The following ARHGAP24 variants were observed in gnomAD, a reference collection of about 807,000 sequenced individuals.
ARHGAP24 encodes the protein rho GTPase-activating protein 24.
ARHGAP24 carries 50 observed loss-of-function variants against 76.4 expected under a neutral mutation model. The ratio of observed to expected loss-of-function variants is 0.65; its 90% CI spans 0.52 to 0.83. The LOEUF (loss-of-function observed/expected upper bound fraction) is 0.83, where lower values mean the gene tolerates loss of function less well. ARHGAP24 is among the 40% of genes least tolerant of loss of function. ARHGAP24 has a pLI of 0.00. For synonymous variants in ARHGAP24, 345 were observed against 323.3 expected (o/e 1.07, Z -0.72); for missense variants, 930 against 914.2 (o/e 1.02, Z -0.22).
chr4:85,869,085 A>G (rs952127702), intron 3 of ARHGAP24, among the ~76,000 whole-genome samples: 5 of 152,118 alleles, frequency 3.3e-5, no homozygotes, highest in Non-Finnish European at 7.4e-5. Context: ...TACCAATGCA[A>G]TTGGCCCCTC....
chr4:85,487,433 TA>T (rs1352629974), intron 1 of ARHGAP24, among the ~76,000 whole-genome samples: 1 of 100,338 alleles, frequency 1.0e-5, no homozygotes, highest in African/African-American at 3.9e-5. Context: ...TATAAATATA[TA>T]AATATATATT....
At position 86,001,144 on chromosome 4, in the gene ARHGAP24, CCT is replaced by C. The variant is rs944418736; in HGVS notation, c.*423_*424del. 3.0e-5 allele frequency: 11 copies of C among 371,424 alleles called. No individual in the cohort carries two copies. In the Admixed American group the frequency reaches 3.3e-4, roughly 11 times the overall value. The allele number at this position is 371,424 out of a possible 1,614,324, so 23.0% of individuals were successfully genotyped here. On this transcript the variant is annotated 3_prime_UTR_variant, in exon 10 of 10. Transcript: ENST00000395184. ...TTTTATAGATCAATATTTTTATTTC[CCT>C]TTTTTGCTGAGGAAATGAAGATAAG...
At position 85,995,412 on chromosome 4, in the gene ARHGAP24, G is replaced by A; in HGVS notation, c.1758G>A (p.Gly586=). 6.2e-7 allele frequency: 1 copy of A among 1,612,522 alleles called. No homozygotes were observed. The highest frequency in any genetic ancestry group is 8.5e-7 in the Non-Finnish European group (1 of 1,178,750). The change falls in exon 9 of 10, where the codon GGG becomes GGA. Residue 586 remains glycine (G), a synonymous_variant. Transcript: ENST00000395184. ...TTCPEQDFFG[G]NFEDPVLDGP... is the part of the protein sequence containing the mutation. ...GCCCAGAGCAAGACTTTTTTGGGGG[G>A]AACTTTGAGGACCCTGTTTTGGATG...
intron 1 of ARHGAP24, among the ~76,000 whole-genome samples, chr4:85,497,099 G>C (rs374000814): frequency 3.0e-4 from 45 of 152,142 alleles, no homozygotes; most frequent in African/African-American, 1.1e-3. Context: ...AATATGAAAC[G>C]GTTAAAACGA....
At chr4:85,499,322 A>G (rs530928528) in intron 1 of ARHGAP24, among the ~76,000 whole-genome samples, 2 of 152,344 alleles carry the variant, frequency 1.3e-5, no homozygotes, top group East Asian at 3.9e-4. Context: ...TTTATAAACA[A>G]TCTCTCTATT....
At chr4:85,660,794 C>CAAAATAAAA (rs1722351142) in intron 2 of ARHGAP24, among the ~76,000 whole-genome samples, 1 of 59,438 alleles carries the variant, frequency 1.7e-5, no homozygotes, top group Non-Finnish European at 3.1e-5. Flanking sequence ...GACTCCGTCT[C>CAAAATAAAA]AAAAAAAAAA....
At chr4:85,823,189 T>A (rs1729556472) in intron 3 of ARHGAP24, among the ~76,000 whole-genome samples, 1 of 152,172 alleles carries the variant, frequency 6.6e-6, no homozygotes. Flanking sequence ...AAAATAAAAT[T>A]GCTGTAATTT....
chr4:85,591,681 G>A (rs1480947448), intron 2 of ARHGAP24, among the ~76,000 whole-genome samples: 6 of 152,162 alleles, frequency 3.9e-5, no homozygotes, highest in South Asian at 2.1e-4. Context: ...AAATTGCAGC[G>A]GCTCAAGATT....
At chr4:85,794,215 T>G (rs1307840657) in intron 3 of ARHGAP24, among the ~76,000 whole-genome samples, 1 of 152,174 alleles carries the variant, frequency 6.6e-6, no homozygotes, top group Non-Finnish European at 1.5e-5. Flanking sequence ...AACAGCCGAA[T>G]GGGGGCTGTG....
intron 1 of ARHGAP24, among the ~76,000 whole-genome samples, chr4:85,515,504 ATT>A (rs1560516042): frequency 1.3e-5 from 2 of 150,770 alleles, no homozygotes; most frequent in African/African-American, 4.9e-5. Flanking sequence ...ATATATATAT[ATT>A]CTTATTCTTT....
At chr4:85,751,280 G>A (rs1371798902) in intron 3 of ARHGAP24, among the ~76,000 whole-genome samples, 1 of 151,820 alleles carries the variant, frequency 6.6e-6, no homozygotes, top group Non-Finnish European at 1.5e-5. Flanking sequence ...CCATTGCATG[G>A]GTGCAGAATA....
At chr4:85,638,776 C>G (rs1342547009) in intron 2 of ARHGAP24, among the ~76,000 whole-genome samples, 1 of 152,160 alleles carries the variant, frequency 6.6e-6, no homozygotes, top group Non-Finnish European at 1.5e-5. Context: ...CTCTTTACTA[C>G]TGAACACCCT....
chr4:85,857,498 T>C (rs541087631), intron 3 of ARHGAP24, among the ~76,000 whole-genome samples: 81 of 152,318 alleles, frequency 5.3e-4, no homozygotes, highest in African/African-American at 1.8e-3. Context: ...GATCAATTAT[T>C]ATGTATTTTT....
intron 8 of ARHGAP24, among the ~76,000 whole-genome samples, chr4:85,984,324 T>C (rs866010802): frequency 7.4e-4 from 112 of 152,294 alleles, no homozygotes; most frequent in African/African-American, 9.9e-4. Flanking sequence ...AAATTTATTA[T>C]TAAGTTCTGA....
At chr4:85,964,782 C>T (rs1029583975) in intron 5 of ARHGAP24, among the ~76,000 whole-genome samples, 2 of 152,076 alleles carry the variant, frequency 1.3e-5, no homozygotes, top group Admixed American at 1.3e-4. Context: ...CTCTATCTTA[C>T]AGCTATACTA....
chr4:85,900,271 A>C, intron 3 of ARHGAP24, among the ~76,000 whole-genome samples: 1 of 152,172 alleles, frequency 6.6e-6, no homozygotes, highest in South Asian at 2.1e-4. Flanking sequence ...CCCCACCACT[A>C]TTCAGGGAGT....
chr4:85,758,684 C>T (rs544714211), intron 3 of ARHGAP24, among the ~76,000 whole-genome samples: 10 of 152,034 alleles, frequency 6.6e-5, no homozygotes, highest in Admixed American at 2.6e-4. Flanking sequence ...AAGGACTTCG[C>T]GAGACATCAT....
intron 4 of ARHGAP24, chr4:85,931,186 C>A: frequency 1.2e-6 from 1 of 804,408 alleles, no homozygotes; most frequent in South Asian, 2.3e-5. Flanking sequence ...CGTATCCTTG[C>A]TTGTCTATAC....
At chr4:85,757,728 A>G (rs1381241916) in intron 3 of ARHGAP24, among the ~76,000 whole-genome samples, 1 of 152,156 alleles carries the variant, frequency 6.6e-6, no homozygotes, top group Non-Finnish European at 1.5e-5. Context: ...TTGGGTATAT[A>G]CCCAGTAATG....
Sources: gnomAD v4.1 joint callset for allele counts (sites outside exome capture counted in the v4.1 genomes callset) on GRCh38, gnomAD v4.1.1 for gene constraint, MANE v1.5 for transcripts, NCBI Gene and HGNC (gene_info 2026-07-23, HGNC 2026-07-21) for gene names.